The following NIM1K variants were observed in gnomAD, a reference collection of about 807,000 sequenced individuals.
NIM1K encodes the protein NIM1 serine/threonine protein kinase.
NIM1K carries 35 observed loss-of-function variants against 37.1 expected under a neutral mutation model. That is an observed-to-expected ratio of 0.94 (90% CI 0.72 to 1.25). The LOEUF is 1.25. Among genes scored for constraint, NIM1K ranks in the 50% most tolerant of loss-of-function variants. The probability of loss-of-function intolerance (pLI) is 0.00; values close to 1 mark genes in which losing one functional copy is unlikely to be tolerated. For missense variants in NIM1K, 564 were observed against 548.0 expected, an observed-to-expected ratio of 1.03 and a Z score of -0.29; for synonymous variants, 234 against 206.6, an observed-to-expected ratio of 1.13 and a Z score of -1.14.
chr5:43,277,684 G>A (rs1257590390), intron 3 of NIM1K, among the ~76,000 whole-genome samples: 1 of 151,528 alleles, frequency 6.6e-6, no homozygotes, highest in Non-Finnish European at 1.5e-5. Flanking sequence ...CTTCTGTCTA[G>A]GATGCCCTCA....
chr5:43,231,861 C>G (rs1194799348), intron 1 of NIM1K: 2 of 1,215,758 alleles, frequency 1.6e-6, no homozygotes, highest in African/African-American at 3.1e-5. Flanking sequence ...AGAATCCACA[C>G]CAACCTCCTT....
At chr5:43,272,921 C>T (rs1297109138) in intron 2 of NIM1K, among the ~76,000 whole-genome samples, 2 of 152,176 alleles carry the variant, frequency 1.3e-5, no homozygotes, top group Non-Finnish European at 2.9e-5. Context: ...TCCCCACTAA[C>T]TCCCTGTTCC....
intron 1 of NIM1K, among the ~76,000 whole-genome samples, chr5:43,223,037 G>A (rs1253296952): frequency 6.6e-6 from 1 of 151,452 alleles, no homozygotes; most frequent in African/African-American, 2.4e-5. Flanking sequence ...TACTCCGGAG[G>A]CTGAGGCAGG....
At chr5:43,196,688 T>A (rs1751920904) in intron 1 of NIM1K, among the ~76,000 whole-genome samples, 1 of 151,998 alleles carries the variant, frequency 6.6e-6, no homozygotes, top group African/African-American at 2.4e-5. Context: ...AAAACAACAG[T>A]CCCAGTCTCC....
At chr5:43,201,992 A>G (rs900571584) in intron 1 of NIM1K, among the ~76,000 whole-genome samples, 27 of 151,480 alleles carry the variant, frequency 1.8e-4, no homozygotes, top group Admixed American at 9.9e-4. Flanking sequence ...AAAAAAAAAG[A>G]AAGATATTTT....
intron 2 of NIM1K, among the ~76,000 whole-genome samples, chr5:43,247,126 T>A (rs1752788866): frequency 6.6e-6 from 1 of 151,974 alleles, no homozygotes; most frequent in Non-Finnish European, 1.5e-5. Context: ...AAGCTCCACA[T>A]ACATGTTTGC....
intron 1 of NIM1K, among the ~76,000 whole-genome samples, chr5:43,200,490 C>T (rs1046124775): frequency 1.3e-5 from 2 of 151,824 alleles, no homozygotes; most frequent in African/African-American, 2.4e-5. Flanking sequence ...TTAGTAGAGA[C>T]GGGGTTTCCC....
At chr5:43,217,130 A>G (rs1190852546) in intron 1 of NIM1K, among the ~76,000 whole-genome samples, 4 of 152,090 alleles carry the variant, frequency 2.6e-5, no homozygotes, top group Non-Finnish European at 5.9e-5. Context: ...AGCTTTACCA[A>G]TCTCTCCCCT....
chr5:43,204,571 G>T (rs1028454800), intron 1 of NIM1K, among the ~76,000 whole-genome samples: 6 of 151,822 alleles, frequency 4.0e-5, no homozygotes, highest in African/African-American at 1.5e-4. Context: ...CGGGCATGGT[G>T]GTGGGTGCCT....
At chr5:43,206,655 G>A (rs1391395720) in intron 1 of NIM1K, 2 of 682,808 alleles carry the variant, frequency 2.9e-6, no homozygotes, top group Admixed American at 2.0e-5. Context: ...GCCTGACTCG[G>A]CCCCCCAGTC....
intron 3 of NIM1K, among the ~76,000 whole-genome samples, 176 bp from the exon 4 acceptor site, chr5:43,279,804 G>A (rs1172620159): frequency 5.3e-5 from 8 of 152,210 alleles, no homozygotes; most frequent in African/African-American, 9.7e-5. Context: ...ATTTGGGGAG[G>A]TGTAGGCATT....
chr5:43,213,896 T>C (rs950147646), intron 1 of NIM1K, among the ~76,000 whole-genome samples: 1 of 152,190 alleles, frequency 6.6e-6, no homozygotes, highest in Non-Finnish European at 1.5e-5. Context: ...CCTAAAGTGC[T>C]GAGATTACAG....
At chr5:43,269,286 G>A (rs1473383012) in intron 2 of NIM1K, among the ~76,000 whole-genome samples, 1 of 104,890 alleles carries the variant, frequency 9.5e-6, no homozygotes. Context: ...TCCAGCCTGG[G>A]CAACAAAGTG....
rs1011533342 is a variant in NIM1K at position 43,192,322 on chromosome 5, A to C, written c.-784A>C. The C allele has an allele frequency of 2.0e-5, 3 of 152,532 alleles. No homozygotes were observed. The highest frequency in any genetic ancestry group is 7.2e-5 in the African/African-American group (3 of 41,464). The allele number at this position is 152,532 out of a possible 1,614,324, so 9.4% of individuals were successfully genotyped here. A position where few individuals can be genotyped will look rare whatever the true frequency, so the allele number is the denominator to read the frequency against. On this transcript the variant is annotated 5_prime_UTR_variant, in exon 1 of 4. Transcript: ENST00000326035. ...GGCGCCCTCACCTCGGGACATCCACACACCGACCGCTCCTGCTCCAGAGGC... is the reference window on the plus strand; with the variant it reads ...GGCGCCCTCACCTCGGGACATCCACCCACCGACCGCTCCTGCTCCAGAGGC...
chr5:43,266,058 C>T (rs1753151187), intron 2 of NIM1K, among the ~76,000 whole-genome samples: 1 of 152,146 alleles, frequency 6.6e-6, no homozygotes, highest in Admixed American at 6.5e-5. Context: ...GCTCAGGCTA[C>T]TCAGGGGTCA....
Position 43,280,607 on chromosome 5 carries a change from A to G in NIM1K, c.1189A>G (p.Lys397Glu). ...YRIILHRVQR[K>E]KALESVPVMM... ...AATTATTTTACATAGAGTCCAAAGG[A>G]AGAAGGCTTTGGAAAGTGTCCCAGT... The change falls in exon 4 of 4, where the codon AAG becomes GAG. Residue 397 changes from lysine (K) to glutamate (E), a missense_variant. Lys to Glu is a moderately conservative substitution (Grantham distance 56, BLOSUM62 1). Transcript: ENST00000326035. 6.2e-7 allele frequency: 1 copy of G among 1,614,148 alleles called. No individual in the cohort carries two copies.
chr5:43,207,754 C>G, intron 1 of NIM1K: 1 of 463,248 alleles, frequency 2.2e-6, no homozygotes, highest in East Asian at 5.0e-5. Context: ...TCGTCTGTGT[C>G]CCTTCATACT....
intron 2 of NIM1K, among the ~76,000 whole-genome samples, chr5:43,272,695 G>A (rs902500261): frequency 3.3e-5 from 5 of 152,066 alleles, no homozygotes; most frequent in South Asian, 4.1e-4. Context: ...TCCTGTAGAC[G>A]TATTTTGCTT....
At chr5:43,259,059 T>C (rs1752989548) in intron 2 of NIM1K, among the ~76,000 whole-genome samples, 1 of 152,292 alleles carries the variant, frequency 6.6e-6, no homozygotes, top group African/African-American at 2.4e-5. Flanking sequence ...GGCCTCCAGC[T>C]CCATCCAAGT....
Sources: allele counts gnomAD v4.1 joint callset (sites outside exome capture counted in the v4.1 genomes callset), GRCh38; gene constraint gnomAD v4.1.1; transcripts MANE v1.5; gene names NCBI Gene and HGNC (gene_info 2026-07-23, HGNC 2026-07-21).